Variants in CELF2 observed in about 807,000 individuals in gnomAD.
The protein encoded by CELF2 is CUGBP Elav-like family member 2, also known as CUG triplet repeat RNA-binding protein 2.
A neutral mutation model predicts 62.6 loss-of-function variants in CELF2; 8 were observed. That is an observed-to-expected ratio of 0.13 (90% CI 0.07 to 0.23). CELF2 has a LOEUF of 0.23. Ranked by LOEUF, CELF2 falls within the 10% of genes least tolerant of loss-of-function variation. The pLI, the probability that CELF2 is intolerant of heterozygous loss-of-function variation, is 1.00. For missense variants in CELF2, 333 were observed against 671.0 expected, an observed-to-expected ratio of 0.50 and a Z score of 5.56; for synonymous variants, 258 against 250.0, an observed-to-expected ratio of 1.03 and a Z score of -0.30.
chr10:11,027,395 C>T (rs942861961), intron 1 of CELF2, among the ~76,000 whole-genome samples: 5 of 152,138 alleles, frequency 3.3e-5, no homozygotes, highest in Non-Finnish European at 7.3e-5. Context: ...CTTGGGAATG[C>T]ATTTTTACTT....
chr10:11,191,678 G>T lies in CELF2; in HGVS notation c.272-25747G>T, dbSNP rs1296462204. Among the ~76,000 whole-genome samples the T allele has an allele frequency of 1.3e-5, 2 of 152,194 alleles. No individual in the cohort carries two copies. Among genetic ancestry groups the T allele is most frequent in the Non-Finnish European group, 2.9e-5 (2 of 68,028 alleles). On this transcript the variant is annotated intron_variant, in intron 2 of 12. Transcript: ENST00000633077. This position sits in a 1 kb window ranked among gnomAD's most constrained non-coding sequence, Gnocchi z 4.1. ...TACACGTCCTGGCCTCCTCCCTGCA[G>T]AAGATGAGGCTTATTCCCAGTCGGC...
chr10:11,226,082 T>G (rs905167908), intron 3 of CELF2, among the ~76,000 whole-genome samples: 2 of 152,188 alleles, frequency 1.3e-5, no homozygotes, highest in Non-Finnish European at 2.9e-5. Flanking sequence ...GGAATGGGCG[T>G]GGCTTAAGAG....
At chr10:10,898,145 A>T (rs2062692087) in intron 1 of CELF2, among the ~76,000 whole-genome samples, 1 of 152,206 alleles carries the variant, frequency 6.6e-6, no homozygotes. Flanking sequence ...AGTCTACTGT[A>T]TGCCTGACCC....
At chr10:10,472,024 AT>A in the CELF2 span, among the ~76,000 whole-genome samples, 522 of 149,844 alleles carry the variant, frequency 3.5e-3, 3 homozygotes, top group Non-Finnish European at 5.7e-3. Flanking sequence ...TGAATTCAAG[AT>A]TTTTTTTTCT....
At chr10:11,256,418 G>C (rs753156092) in intron 4 of CELF2, among the ~76,000 whole-genome samples, 8 of 152,116 alleles carry the variant, frequency 5.3e-5, no homozygotes, top group Non-Finnish European at 1.0e-4. Context: ...TTCCTGTCCG[G>C]GGTAGGCATA....
chr10:11,132,477 C>T (rs926516883), intron 1 of CELF2, among the ~76,000 whole-genome samples: 2 of 152,098 alleles, frequency 1.3e-5, no homozygotes, highest in African/African-American at 4.8e-5. Flanking sequence ...AAATTAAGAA[C>T]CTTCATAATT....
the CELF2 span, among the ~76,000 whole-genome samples, chr10:10,505,709 T>C: frequency 3.9e-5 from 6 of 152,224 alleles, no homozygotes; most frequent in Non-Finnish European, 8.8e-5. Context: ...ACTGAAGTCA[T>C]GAACTCATCT....
intron 2 of CELF2, among the ~76,000 whole-genome samples, chr10:11,175,261 G>A (rs2070636726): frequency 6.6e-6 from 1 of 152,110 alleles, no homozygotes; most frequent in African/African-American, 2.4e-5. Flanking sequence ...CAAAGGTCCG[G>A]GAAGGTGAGC....
At chr10:10,484,415 C>A in the CELF2 span, among the ~76,000 whole-genome samples, 1 of 139,998 alleles carries the variant, frequency 7.1e-6, no homozygotes, top group African/African-American at 2.7e-5. Flanking sequence ...CCCCTGGGTT[C>A]ACGCGATTCT....
At position 10,931,169 on chromosome 10, in the gene CELF2, C is replaced by T. The variant is rs770194041; in HGVS notation, c.89+11170C>T. Among the ~76,000 whole-genome samples the T allele has an allele frequency of 9.9e-5, 15 of 152,210 alleles. No individual in the cohort carries two copies. The highest frequency in any genetic ancestry group is 8.3e-4 in the South Asian group (4 of 4,820). Reference sequence around the variant, plus strand: ...GTATTTTCCTTTTCCTTCTTTCTGGCGAATACGCAGTTTTCCTTTTGGACT... The same window carrying T: ...GTATTTTCCTTTTCCTTCTTTCTGGTGAATACGCAGTTTTCCTTTTGGACT... On this transcript the variant is annotated intron_variant, in intron 2 of 13. Transcript: ENST00000636488. The surrounding 1 kb of genome is among the most constrained non-coding windows in gnomAD (Gnocchi z 6.1).
At position 11,197,025 on chromosome 10, in the gene CELF2, AAAAGAAAGAAAG is replaced by A. The variant is rs774383276; in HGVS notation, c.272-20376_272-20365del. On this transcript the variant is annotated intron_variant, in intron 2 of 12. Coordinates refer to ENST00000633077, the MANE Select transcript of CELF2 (RefSeq NM_001326342.2). The stretch of plus-strand genomic sequence containing the variant: ...AGGAGAAAGAAAGAAAGAAAGAAAG[AAAAGAAAGAAAG>A]AAAGAAAGAAAGAAAGAAAGAAAAG... Among the ~76,000 whole-genome samples the A allele has an allele frequency of 1.9e-4, 5 of 26,048 alleles. 1 individual carries two copies. The highest frequency in any genetic ancestry group is 9.0e-4 in the African/African-American group (5 of 5,570). 17.1% of individuals were successfully genotyped at this position (26,048 alleles called of 152,430 possible). A position where few individuals can be genotyped will look rare whatever the true frequency, so the allele number is the denominator to read the frequency against.
chr10:10,905,547 C>T (rs567376454), intron 1 of CELF2, among the ~76,000 whole-genome samples: 5 of 149,834 alleles, frequency 3.3e-5, no homozygotes, highest in African/African-American at 1.2e-4. Flanking sequence ...AGTTCGAGAC[C>T]AGCCTTCCCA....
chr10:10,660,055 T>C, the CELF2 span, among the ~76,000 whole-genome samples: 7 of 152,140 alleles, frequency 4.6e-5, no homozygotes, highest in Non-Finnish European at 1.5e-5. Flanking sequence ...AAAGGGGCCA[T>C]GAGCCAAGGA....
intron 1 of CELF2, among the ~76,000 whole-genome samples, chr10:11,055,690 T>C (rs1447418782): frequency 6.6e-6 from 1 of 152,238 alleles, no homozygotes; most frequent in African/African-American, 2.4e-5. Flanking sequence ...CCGATTGCTC[T>C]CCCAAACTCT....
chr10:10,549,576 G>A, the CELF2 span, among the ~76,000 whole-genome samples: 63 of 152,272 alleles, frequency 4.1e-4, no homozygotes, highest in African/African-American at 1.3e-3. Flanking sequence ...GAGCCACTGC[G>A]CCCGGCCCCA....
the CELF2 span, among the ~76,000 whole-genome samples, chr10:10,684,398 T>C: frequency 3.3e-5 from 5 of 152,198 alleles, no homozygotes; most frequent in Non-Finnish European, 4.4e-5. Flanking sequence ...GGTCAGAATA[T>C]GGAAAACGAT....
the CELF2 span, among the ~76,000 whole-genome samples, chr10:10,609,165 A>G: frequency 1.5e-3 from 223 of 152,294 alleles, 1 homozygote; most frequent in African/African-American, 5.1e-3. Context: ...TCCAGGTGAG[A>G]GAACTAAGTT....
At position 11,269,167 on chromosome 10, in the gene CELF2, C is replaced by A. The variant is rs960581464; in HGVS notation, c.619-1499C>A. 2.0e-5 allele frequency among the ~76,000 whole-genome samples: 3 copies of A among 152,072 alleles called. No homozygotes were observed. The highest frequency in any genetic ancestry group is 7.2e-5 in the African/African-American group (3 of 41,382). ...ATGTTGCTCTCTTTTAAGTGAAGTA[C>A]TGAAACATGGAACAGATACAGAAAA... On this transcript the variant is annotated intron_variant, in intron 6 of 12. Transcript: ENST00000633077. This position sits in a 1 kb window ranked among gnomAD's most constrained non-coding sequence, Gnocchi z 4.4.
the CELF2 span, among the ~76,000 whole-genome samples, chr10:10,564,232 C>T: frequency 3.9e-5 from 6 of 152,126 alleles, no homozygotes; most frequent in African/African-American, 9.7e-5. Flanking sequence ...TCTATTCATT[C>T]GATGACAATG....
Sources: allele counts gnomAD v4.1 joint callset (sites outside exome capture counted in the v4.1 genomes callset), GRCh38; gene constraint gnomAD v4.1.1; non-coding constraint Gnocchi (gnomAD v3.1); transcripts MANE v1.5; gene names NCBI Gene and HGNC (gene_info 2026-07-23, HGNC 2026-07-21).